Variants in APAF1 observed in about 807,000 individuals in gnomAD.
The protein encoded by APAF1 is apoptotic protease-activating factor 1.
In APAF1, 91 loss-of-function variants were observed where a neutral mutation model predicts 152.4. That is an observed-to-expected ratio of 0.60 (90% CI 0.50 to 0.71). APAF1 has a LOEUF of 0.71. Ranked by LOEUF, APAF1 falls within the 30% of genes least tolerant of loss-of-function variation. APAF1 has a pLI of 0.00. For synonymous variants in APAF1, 484 were observed against 494.1 expected, an observed-to-expected ratio of 0.98 and a Z score of 0.27; for missense variants, 1,283 against 1,472.0, an observed-to-expected ratio of 0.87 and a Z score of 2.10.
intron 17 of APAF1, among the ~76,000 whole-genome samples, chr12:98,702,982 T>C (rs1338939837): frequency 6.6e-6 from 1 of 152,222 alleles, no homozygotes; most frequent in Non-Finnish European, 1.5e-5. Flanking sequence ...AATTTTATTT[T>C]AGCAAACCTC....
intron 5 of APAF1, among the ~76,000 whole-genome samples, chr12:98,661,417 G>T (rs764470006): frequency 1.4e-4 from 22 of 152,062 alleles, no homozygotes; most frequent in Non-Finnish European, 2.6e-4. Flanking sequence ...GTCTCATTTG[G>T]TTTGTGCTTT....
intron 16 of APAF1, among the ~76,000 whole-genome samples, chr12:98,689,110 C>T (rs1460600325): frequency 7.2e-5 from 11 of 152,102 alleles, no homozygotes; most frequent in African/African-American, 1.9e-4. Flanking sequence ...CCACTGCATC[C>T]GGCCCTACCA....
At chr12:98,649,780 A>C in intron 4 of APAF1, 96 bp downstream of exon 4, 1 of 1,161,218 alleles carries the variant, frequency 8.6e-7, no homozygotes, top group Non-Finnish European at 1.3e-6. Context: ...TGGTAGAAAC[A>C]AGTATAAGGT....
At chr12:98,696,756 A>G (rs905005529) in intron 16 of APAF1, among the ~76,000 whole-genome samples, 1 of 152,144 alleles carries the variant, frequency 6.6e-6, no homozygotes, top group Non-Finnish European at 1.5e-5. Flanking sequence ...TAAGCCTCCC[A>G]AGGTGCTAGG....
chr12:98,648,555 G>T, intron 2 of APAF1, 58 bp downstream of exon 2: 8 of 1,608,896 alleles, frequency 5.0e-6, no homozygotes, highest in Non-Finnish European at 6.8e-6. Context: ...TTCAGAACTT[G>T]TACTGGTCTC....
chr12:98,668,760 G>T (rs2097676567), intron 10 of APAF1, among the ~76,000 whole-genome samples: 1 of 152,166 alleles, frequency 6.6e-6, no homozygotes, highest in Non-Finnish European at 1.5e-5. Flanking sequence ...TTCCTGCAGA[G>T]AATGGGGATG....
intron 10 of APAF1, among the ~76,000 whole-genome samples, chr12:98,670,421 G>C (rs143451310): frequency 6.6e-6 from 1 of 151,750 alleles, no homozygotes; most frequent in African/African-American, 2.4e-5. Context: ...TTTTTCTCTT[G>C]ACGTGTTTTT....
intron 18 of APAF1, among the ~76,000 whole-genome samples, chr12:98,704,697 T>G (rs2097719461): frequency 6.6e-6 from 1 of 152,174 alleles, no homozygotes; most frequent in Admixed American, 6.5e-5. Flanking sequence ...AAAGCTCTAG[T>G]CCTGTATGAA....
intron 24 of APAF1, among the ~76,000 whole-genome samples, chr12:98,725,206 T>A (rs2097748701): frequency 6.6e-6 from 1 of 152,206 alleles, no homozygotes; most frequent in African/African-American, 2.4e-5. Context: ...GTGACATTGA[T>A]CCTTGAGCTG....
At position 98,652,053 on chromosome 12, in the gene APAF1, A is replaced by G. The variant is rs886130783; in HGVS notation, c.526+2369A>G. Among the ~76,000 whole-genome samples, 4 of 152,132 alleles carry G rather than the reference A, an allele frequency of 2.6e-5. 1 individual carries two copies. In the Middle Eastern group the frequency reaches 0.01, roughly 388 times the overall value. On this transcript the variant is annotated intron_variant, in intron 4 of 26. Coordinates refer to ENST00000551964, the MANE Select transcript of APAF1 (RefSeq NM_181861.2). ...TGGTCTCGAACTCCTGAGCTCAAGC[A>G]ATTCACCCACCTTGGCCTCCCAAAG...
At chr12:98,657,182 C>T (rs2153311545) in intron 4 of APAF1, among the ~76,000 whole-genome samples, 1 of 152,328 alleles carries the variant, frequency 6.6e-6, no homozygotes, top group South Asian at 2.1e-4. Context: ...CCCACCTCCA[C>T]CCATTTTATT....
At chr12:98,678,123 A>G (rs369243616) in intron 13 of APAF1, among the ~76,000 whole-genome samples, 2 of 152,244 alleles carry the variant, frequency 1.3e-5, no homozygotes, top group African/African-American at 2.4e-5. Flanking sequence ...TCTTTGCAAG[A>G]TTATGACTCC....
chr12:98,731,192 T>A (rs1366454719), intron 26 of APAF1, among the ~76,000 whole-genome samples: 2 of 152,240 alleles, frequency 1.3e-5, no homozygotes, highest in Admixed American at 6.5e-5. Context: ...GTAATGATAA[T>A]ACCTAACTCA....
intron 15 of APAF1, 125 bp from the exon 16 acceptor site, chr12:98,686,623 G>A (rs1222193978): frequency 1.1e-6 from 1 of 947,644 alleles, no homozygotes; most frequent in Non-Finnish European, 1.6e-6. Context: ...TTGTGTTACT[G>A]TGAATTAAAC....
At chr12:98,698,541 G>C (rs1196828252) in intron 16 of APAF1, among the ~76,000 whole-genome samples, 1 of 152,096 alleles carries the variant, frequency 6.6e-6, no homozygotes, top group African/African-American at 2.4e-5. Flanking sequence ...TTTGGTTTTG[G>C]CCATGTTTCT....
In APAF1 at chr12:98,653,693, T is replaced by A. The variant is rs11109560; in HGVS notation, c.526+4009T>A. On this transcript the variant is annotated intron_variant, in intron 4 of 26. Transcript: ENST00000551964. ...AAAAAAAAAAAAAAAAAAAAAAAAA[T>A]ATATATATATATATATATATATATA... Among the ~76,000 whole-genome samples, 58 of 52,980 alleles carry A rather than the reference T, an allele frequency of 1.1e-3. 1 individual carries two copies. Among genetic ancestry groups the A allele is most frequent in the African/African-American group, 2.9e-3 (32 of 11,052 alleles). The allele number at this position is 52,980 out of a possible 152,430, so 34.8% of individuals were successfully genotyped here.
At chr12:98,653,689 AAAAT>A (rs1565855216) in intron 4 of APAF1, among the ~76,000 whole-genome samples, 1 of 23,966 alleles carries the variant, frequency 4.2e-5, no homozygotes, top group Admixed American at 6.6e-4. Context: ...AAAAAAAAAA[AAAAT>A]ATATATATAT....
Position 98,671,834 on chromosome 12 carries a change from CT to C in APAF1, c.1793+119del, listed in dbSNP as rs1365143583. The C allele has an allele frequency of 1.9e-5, 18 of 951,314 alleles. No individual in the cohort carries two copies. In the Admixed American group the frequency reaches 3.7e-4, roughly 19 times the overall value. 58.9% of individuals were successfully genotyped at this position (951,314 alleles called of 1,614,324 possible). A position where few individuals can be genotyped will look rare whatever the true frequency, so the allele number is the denominator to read the frequency against. On this transcript the variant is annotated intron_variant, in intron 12 of 26. Coordinates refer to ENST00000551964, the MANE Select transcript of APAF1 (RefSeq NM_181861.2). Reference sequence around the variant, plus strand: ...TTAACTACTTTCGAAAGGGCTGGAACTTTTAATAAGCATTCTTACTTATTGA... The same window carrying C: ...TTAACTACTTTCGAAAGGGCTGGAACTTTAATAAGCATTCTTACTTATTGA...
intron 5 of APAF1, 26 bp downstream of exon 5, chr12:98,659,369 G>A (rs1432557272): frequency 3.1e-6 from 5 of 1,611,894 alleles, no homozygotes; most frequent in Non-Finnish European, 4.2e-6. Flanking sequence ...TTTAGTTGGT[G>A]TGTCAGGTCC....
Sources: gnomAD v4.1 joint callset for allele counts (sites outside exome capture counted in the v4.1 genomes callset) on GRCh38, gnomAD v4.1.1 for gene constraint, MANE v1.5 for transcripts, NCBI Gene and HGNC (gene_info 2026-07-23, HGNC 2026-07-21) for gene names.